The following MTR variants were observed in gnomAD, a reference collection of about 807,000 sequenced individuals.
The protein encoded by MTR is 5-methyltetrahydrofolate-homocysteine methyltransferase, also known as methionine synthase.
In MTR, 84 loss-of-function variants were observed where a neutral mutation model predicts 154.8. The ratio of observed to expected loss-of-function variants is 0.54; its 90% CI spans 0.45 to 0.65. MTR has a LOEUF of 0.65. MTR is among the 30% of genes least tolerant of loss of function. The pLI, the probability that MTR is intolerant of heterozygous loss-of-function variation, is 0.00. For synonymous variants in MTR, 554 were observed against 553.9 expected (o/e 1.00, Z 0.00); for missense variants, 1,275 against 1,570.2 (o/e 0.81, Z 3.18).
chr1:236,869,868 C>T (rs1266062181), intron 22 of MTR, among the ~76,000 whole-genome samples: 1 of 152,208 alleles, frequency 6.6e-6, no homozygotes, highest in Non-Finnish European at 1.5e-5. Flanking sequence ...TTCCCTGTTT[C>T]CTTCAGCTAA....
chr1:236,882,202 G>A (rs943940464), intron 25 of MTR, among the ~76,000 whole-genome samples: 4 of 152,128 alleles, frequency 2.6e-5, no homozygotes, highest in Non-Finnish European at 5.9e-5. Context: ...TCAGGTCCAT[G>A]GCTGAGTGCT....
At chr1:236,804,053 TCA>T (rs55931354) in intron 2 of MTR, among the ~76,000 whole-genome samples, 46,464 of 152,086 alleles carry the variant, frequency 0.31, 8,717 homozygotes, top group East Asian at 0.4. Context: ...CATTTATTTC[TCA>T]CAGTTCTGGA....
intron 1 of MTR, among the ~76,000 whole-genome samples, chr1:236,796,141 G>C (rs945795877): frequency 1.3e-5 from 2 of 152,076 alleles, no homozygotes; most frequent in Admixed American, 6.6e-5. Flanking sequence ...GTTCAGGCGC[G>C]GAGAGACAGA....
chr1:236,897,310 G>GCACACA (rs57786802), intron 32 of MTR, among the ~76,000 whole-genome samples, 192 bp downstream of exon 32: 213 of 128,676 alleles, frequency 1.7e-3, no homozygotes, highest in African/African-American at 5.1e-3. Context: ...CCACACACAC[G>GCACACA]CACACACACA....
chr1:236,885,803 G>A (rs1665980124), intron 26 of MTR, among the ~76,000 whole-genome samples: 1 of 152,214 alleles, frequency 6.6e-6, no homozygotes. Flanking sequence ...TTTGGGAGTT[G>A]CTAGGCAAGT....
chr1:236,894,383 G>A lies in MTR; in HGVS notation c.3231G>A (p.Glu1077=). The change falls in exon 30 of 33, where the codon GAG becomes GAA. Residue 1077 remains glutamate (E), a synonymous_variant. Transcript: ENST00000366577. The stretch of plus-strand genomic sequence containing the variant: ...CTGAGAAGGACTCTGCCAGCACGGA[G>A]CCATACTACTGCCTCTCAGACTTCA... ...QQAEKDSAST[E]PYYCLSDFIA... is the part of the protein sequence containing the mutation. The A allele has an allele frequency of 6.2e-7, 1 of 1,614,220 alleles. No homozygotes were observed. The highest frequency in any genetic ancestry group is 8.5e-7 in the Non-Finnish European group (1 of 1,180,048).
Position 236,891,412 on chromosome 1 carries a change from G to A in MTR, c.3204+83G>A, listed in dbSNP as rs138779522. The A allele has an allele frequency of 4.1e-3, 5,605 of 1,377,652 alleles. 14 individuals are homozygous for A. The highest frequency in any genetic ancestry group is 5.0e-3 in the Non-Finnish European group (4,833 of 972,218). 85.3% of individuals were successfully genotyped at this position (1,377,652 alleles called of 1,614,324 possible). A position where few individuals can be genotyped will look rare whatever the true frequency, so the allele number is the denominator to read the frequency against. ...CACAAAAGAGCTTTGCATAAATGAG[G>A]GTCTGCTTCACCTCCTCCCAAATGA... On this transcript the variant is annotated intron_variant, in intron 29 of 32. Coordinates refer to ENST00000366577, the MANE Select transcript of MTR (RefSeq NM_000254.3).
chr1:236,817,772 A>G (rs935475037), intron 8 of MTR, among the ~76,000 whole-genome samples: 1 of 152,186 alleles, frequency 6.6e-6, no homozygotes, highest in African/African-American at 2.4e-5. Context: ...TTAATGTCAT[A>G]TTGTGATTTC....
intron 1 of MTR, among the ~76,000 whole-genome samples, chr1:236,795,997 C>T (rs1413154467): frequency 6.6e-6 from 1 of 152,200 alleles, no homozygotes; most frequent in Non-Finnish European, 1.5e-5. Context: ...CCCCGAAACA[C>T]ATTCTTAACG....
intron 15 of MTR, among the ~76,000 whole-genome samples, chr1:236,842,281 C>T (rs1341578838): frequency 2.6e-5 from 4 of 152,192 alleles, no homozygotes; most frequent in Non-Finnish European, 5.9e-5. Context: ...GTGTTCTGAA[C>T]TCCCGCGATG....
At position 236,897,704 on chromosome 1, in the gene MTR, G is replaced by A; in HGVS notation, c.*60G>A. 2.1e-6 allele frequency: 3 copies of A among 1,435,992 alleles called. No homozygotes were observed. Among genetic ancestry groups the A allele is most frequent in the Non-Finnish European group, 2.9e-6 (3 of 1,026,614 alleles). The allele number at this position is 1,435,992 out of a possible 1,614,324, so 89.0% of individuals were successfully genotyped here. A position where few individuals can be genotyped will look rare whatever the true frequency, so the allele number is the denominator to read the frequency against. ...GATCCTCAAGGAAATACAACCTAGG[G>A]TGCCTTAAAAATAACAACAACAAAA... On this transcript the variant is annotated 3_prime_UTR_variant, in exon 33 of 33. Transcript: ENST00000366577.
intron 13 of MTR, among the ~76,000 whole-genome samples, chr1:236,835,138 G>C (rs1049455110): frequency 6.6e-6 from 1 of 151,982 alleles, no homozygotes; most frequent in Non-Finnish European, 1.5e-5. Flanking sequence ...ATGTGGAAGG[G>C]AAAGGGATTG....
At position 236,808,886 on chromosome 1, in the gene MTR, A is replaced by G. The variant is rs12759827; in HGVS notation, c.409+113A>G. On this transcript the variant is annotated intron_variant, in intron 4 of 32. Coordinates refer to ENST00000366577, the MANE Select transcript of MTR (RefSeq NM_000254.3). ...ATGTGGCCTTTGGCTTACGAGTAAC[A>G]CTGCAGAGACTGTATTTTACATGTT... The G allele has an allele frequency of 0.22, 187,570 of 860,214 alleles. 24,180 individuals carry two copies. Among genetic ancestry groups the G allele is most frequent in the Non-Finnish European group, 0.27 (139,580 of 508,178 alleles). 53.3% of individuals were successfully genotyped at this position (860,214 alleles called of 1,614,324 possible).
At chr1:236,868,691 C>T (rs1017206622) in intron 22 of MTR, among the ~76,000 whole-genome samples, 2 of 152,140 alleles carry the variant, frequency 1.3e-5, no homozygotes, top group Non-Finnish European at 2.9e-5. Context: ...ATACATCATA[C>T]ATCTAATGTT....
At chr1:236,808,375 A>G (rs1282313236) in intron 3 of MTR, among the ~76,000 whole-genome samples, 2 of 151,970 alleles carry the variant, frequency 1.3e-5, no homozygotes, top group Non-Finnish European at 2.9e-5. Flanking sequence ...TGCTCTTTCC[A>G]TTGCTTTATT....
rs1661139257 is a variant in MTR at position 236,808,858 on chromosome 1, C to T, written c.409+85C>T. The T allele has an allele frequency of 1.6e-5, 20 of 1,253,676 alleles. No individual in the cohort carries two copies. In the South Asian group the frequency reaches 2.4e-4, roughly 15 times the overall value. 77.7% of individuals were successfully genotyped at this position (1,253,676 alleles called of 1,614,324 possible). On this transcript the variant is annotated intron_variant, in intron 4 of 32. Transcript: ENST00000366577. ...TGTGCTGTCCTTATTGCAGTTTTTC[C>T]TTATGTGGCCTTTGGCTTACGAGTA...
intron 8 of MTR, among the ~76,000 whole-genome samples, chr1:236,820,993 C>T (rs905954511): frequency 6.6e-6 from 1 of 152,106 alleles, no homozygotes; most frequent in Non-Finnish European, 1.5e-5. Flanking sequence ...TTTAAAATTG[C>T]GTTTGTTGTT....
intron 29 of MTR, among the ~76,000 whole-genome samples, chr1:236,893,713 G>A (rs755047426): frequency 6.6e-6 from 1 of 152,170 alleles, no homozygotes; most frequent in Non-Finnish European, 1.5e-5. Flanking sequence ...CTTATGAGCT[G>A]AGGGTGAAAA....
At chr1:236,889,363 G>C (rs1666194052) in intron 28 of MTR, 27 bp downstream of exon 28, 1 of 1,613,526 alleles carries the variant, frequency 6.2e-7, no homozygotes, top group African/African-American at 1.3e-5. Context: ...CTTCCTTTCT[G>C]CCTCTGATAT....
Sources: allele counts gnomAD v4.1 joint callset (sites outside exome capture counted in the v4.1 genomes callset), GRCh38; gene constraint gnomAD v4.1.1; transcripts MANE v1.5; gene names NCBI Gene and HGNC (gene_info 2026-07-23, HGNC 2026-07-21).